The following CUX2 variants were observed in gnomAD, a reference collection of about 807,000 sequenced individuals.
CUX2 encodes the protein cut like homeobox 2.
CUX2 carries 40 observed loss-of-function variants against 144.8 expected under a neutral mutation model. That is an observed-to-expected ratio of 0.28 (90% CI 0.21 to 0.36). The LOEUF (loss-of-function observed/expected upper bound fraction) is 0.36. CUX2 is among the 10% of genes least tolerant of loss of function. The probability of loss-of-function intolerance (pLI) is 1.00; values close to 1 mark genes in which losing one functional copy is unlikely to be tolerated. For missense variants in CUX2, 1,615 were observed against 1,994.0 expected (o/e 0.81, Z 3.62); for synonymous variants, 827 against 875.6 (o/e 0.94, Z 0.98).
intron 1 of CUX2, among the ~76,000 whole-genome samples, chr12:111,152,754 C>T (rs1007069698): frequency 3.3e-5 from 5 of 152,142 alleles, no homozygotes; most frequent in Admixed American, 6.5e-5. Context: ...GGCAGGGGTG[C>T]GGTGCTGCGG....
intron 1 of CUX2, among the ~76,000 whole-genome samples, chr12:111,194,978 C>G (rs146198314): frequency 1.1e-4 from 17 of 152,260 alleles, no homozygotes; most frequent in African/African-American, 4.1e-4. Context: ...TCCCTCTCCC[C>G]AACCCTACAG....
intron 9 of CUX2, among the ~76,000 whole-genome samples, chr12:111,303,636 CAA>C (rs35729076): frequency 2.0e-4 from 23 of 113,222 alleles, no homozygotes; most frequent in Middle Eastern, 4.8e-3. Context: ...GACTCCATCT[CAA>C]AAAAAAAAAA....
At chr12:111,081,981 C>T (rs536255296) in intron 1 of CUX2, among the ~76,000 whole-genome samples, 1 of 152,344 alleles carries the variant, frequency 6.6e-6, no homozygotes, top group East Asian at 1.9e-4. Context: ...CCGGCTCCCT[C>T]ACCCTGAGAG....
At chr12:111,285,801 C>T (rs934086371) in intron 4 of CUX2, among the ~76,000 whole-genome samples, 8 of 152,238 alleles carry the variant, frequency 5.3e-5, no homozygotes, top group African/African-American at 1.4e-4. Flanking sequence ...GTTAGGACTC[C>T]GTTGCAGCCC....
At chr12:111,046,221 C>T (rs377153882) in intron 1 of CUX2, among the ~76,000 whole-genome samples, 1 of 152,360 alleles carries the variant, frequency 6.6e-6, no homozygotes, top group South Asian at 2.1e-4. Flanking sequence ...CCCTGCATGC[C>T]GCTTGGCAGG....
At chr12:111,036,974 C>T (rs893477348) in intron 1 of CUX2, among the ~76,000 whole-genome samples, 1 of 150,526 alleles carries the variant, frequency 6.6e-6, no homozygotes, top group Admixed American at 6.6e-5. Flanking sequence ...GCACTTTGGC[C>T]TGGGATCCTC....
rs2879559 is a variant in CUX2, at chr12:111,312,825, G to A, written c.2002+624G>A. On this transcript the variant is annotated intron_variant, in intron 16 of 21. Transcript: ENST00000261726. The surrounding 1 kb of genome is among the most constrained non-coding windows in gnomAD (Gnocchi z 4.3). Reference sequence around the variant, plus strand: ...CCAGCTGCCGTGCACTCCACCCTGCGCCTCTGATGCTGTCCTTACCCCAGA... The same window carrying A: ...CCAGCTGCCGTGCACTCCACCCTGCACCTCTGATGCTGTCCTTACCCCAGA... Among the ~76,000 whole-genome samples, 32,674 of 151,948 alleles carry A rather than the reference G, an allele frequency of 0.22. 4,817 individuals carry two copies. The highest frequency in any genetic ancestry group is 0.68 in the East Asian group (3,507 of 5,160).
At chr12:111,056,149 C>A (rs1384167693) in intron 1 of CUX2, among the ~76,000 whole-genome samples, 1 of 152,188 alleles carries the variant, frequency 6.6e-6, no homozygotes, top group Non-Finnish European at 1.5e-5. Context: ...GTTTCTCATG[C>A]CGGCCTCTTG....
chr12:111,238,472 ATGT>A (rs1221365397), intron 3 of CUX2, among the ~76,000 whole-genome samples: 6 of 152,172 alleles, frequency 3.9e-5, no homozygotes, highest in African/African-American at 1.2e-4. Flanking sequence ...TTTAAGGGAG[ATGT>A]TGTTATTCTC....
rs761276935 is a variant in CUX2 at position 111,243,496 on chromosome 12, C to CTTTTTTTT, written c.223-20247_223-20240dup. Among the ~76,000 whole-genome samples, 18 of 80,028 alleles carry CTTTTTTTT rather than the reference C, an allele frequency of 2.2e-4. 1 individual carries two copies. The highest frequency in any genetic ancestry group is 5.3e-4 in the African/African-American group (9 of 16,892). The allele number at this position is 80,028 out of a possible 152,430, so 52.5% of individuals were successfully genotyped here. A position where few individuals can be genotyped will look rare whatever the true frequency, so the allele number is the denominator to read the frequency against. On this transcript the variant is annotated intron_variant, in intron 3 of 21. Transcript: ENST00000261726. ...CACACATTATGATTGGTTGATGTGC[C>CTTTTTTTT]TTTTTTTTTTTTTTTTTTTTTTTTT...
Position 111,255,986 on chromosome 12 carries a change from T to G in CUX2, c.223-7775T>G, listed in dbSNP as rs1230087081. The stretch of plus-strand genomic sequence containing the variant: ...TTACAGCCTCACAGATACAGGGGCA[T>G]GTACTTGGATGCCTCCCCTGGTGGG... On this transcript the variant is annotated intron_variant, in intron 3 of 21. Transcript: ENST00000261726. The surrounding 1 kb of genome is among the most constrained non-coding windows in gnomAD (Gnocchi z 4.1). Among the ~76,000 whole-genome samples the G allele has an allele frequency of 3.9e-5, 6 of 152,038 alleles. No homozygotes were observed. Among genetic ancestry groups the G allele is most frequent in the African/African-American group, 1.5e-4 (6 of 41,372 alleles).
chr12:111,111,278 G>A (rs1025113643), intron 1 of CUX2, among the ~76,000 whole-genome samples: 13 of 151,980 alleles, frequency 8.6e-5, no homozygotes, highest in African/African-American at 2.4e-5. Flanking sequence ...CTCCAGTCTG[G>A]GTGACAGAAT....
intron 18 of CUX2, among the ~76,000 whole-genome samples, chr12:111,332,984 G>A (rs1321964917): frequency 6.6e-6 from 1 of 152,172 alleles, no homozygotes; most frequent in East Asian, 1.9e-4. Context: ...AAGGCAGGTA[G>A]ATCACTTGAG....
intron 1 of CUX2, among the ~76,000 whole-genome samples, chr12:111,156,000 C>G (rs1877350141): frequency 6.6e-6 from 1 of 152,168 alleles, no homozygotes; most frequent in Non-Finnish European, 1.5e-5. Context: ...GCTTTTCCAG[C>G]TGGACTGCAG....
Position 111,035,495 on chromosome 12 carries a change from C to T in CUX2, c.63+1255C>T. Among the ~76,000 whole-genome samples, 1 of 151,930 alleles carries T rather than the reference C, an allele frequency of 6.6e-6. No homozygotes were observed. The highest frequency in any genetic ancestry group is 1.5e-5 in the Non-Finnish European group (1 of 67,994). On this transcript the variant is annotated intron_variant, in intron 1 of 21. Transcript: ENST00000261726. This position sits in a 1 kb window ranked among gnomAD's most constrained non-coding sequence, Gnocchi z 6.0. ...GAGTCTCGCAAAGTCTCGGCGGGTG[C>T]GGCGGGGATCAGGGGCGGGAAAATG...
chr12:111,340,738 G>A lies in CUX2; in HGVS notation c.3386-1042G>A, dbSNP rs540148854. Among the ~76,000 whole-genome samples the A allele has an allele frequency of 3.5e-4, 54 of 152,342 alleles. 1 individual carries two copies. The highest frequency in any genetic ancestry group is 8.9e-4 in the African/African-American group (37 of 41,568). ...TTAGCCTAAATATTTGCCCTGGCAT[G>A]CTTATAGTGGTCCAAGCAAGCATTA... On this transcript the variant is annotated intron_variant, in intron 20 of 21. Coordinates refer to ENST00000261726, the MANE Select transcript of CUX2 (RefSeq NM_015267.4).
intron 1 of CUX2, among the ~76,000 whole-genome samples, chr12:111,048,889 G>A (rs1246971732): frequency 6.6e-6 from 1 of 152,078 alleles, no homozygotes; most frequent in Non-Finnish European, 1.5e-5. Context: ...TTTTAGTTTT[G>A]TCTAATCTAT....
At chr12:111,340,493 G>C (rs568292630) in intron 20 of CUX2, among the ~76,000 whole-genome samples, 15 of 152,332 alleles carry the variant, frequency 9.8e-5, no homozygotes, top group Non-Finnish European at 2.2e-4. Context: ...AGGATTGCTT[G>C]AGGCCAAGAG....
chr12:111,049,567 G>C (rs978040062), intron 1 of CUX2, among the ~76,000 whole-genome samples: 1 of 152,240 alleles, frequency 6.6e-6, no homozygotes, highest in Non-Finnish European at 1.5e-5. Context: ...TGGCCCTGCA[G>C]GCCTGTGAGG....
Sources: allele counts gnomAD v4.1 joint callset (sites outside exome capture counted in the v4.1 genomes callset), GRCh38; gene constraint gnomAD v4.1.1; non-coding constraint Gnocchi (gnomAD v3.1); transcripts MANE v1.5; gene names NCBI Gene and HGNC (gene_info 2026-07-23, HGNC 2026-07-21).